SIPA1L3: variants seen among roughly 807,000 people sequenced by gnomAD.
SIPA1L3 encodes signal induced proliferation associated 1 like 3.
Under a neutral mutation model 150.1 loss-of-function variants are expected in SIPA1L3, and 59 were observed. The ratio of observed to expected loss-of-function variants is 0.39; its 90% CI spans 0.32 to 0.49. The LOEUF (loss-of-function observed/expected upper bound fraction) is 0.49, where lower values mean the gene tolerates loss of function less well. Ranked by LOEUF, SIPA1L3 falls within the 20% of genes least tolerant of loss-of-function variation. The probability of loss-of-function intolerance (pLI) is 0.86; values close to 1 mark genes in which losing one functional copy is unlikely to be tolerated. For missense variants in SIPA1L3, 2,211 were observed against 2,489.5 expected, an observed-to-expected ratio of 0.89 and a Z score of 2.38; for synonymous variants, 1,070 against 1,077.6, an observed-to-expected ratio of 0.99 and a Z score of 0.14.
chr19:38,104,055 AGTGGGTTTTC>A (rs1970567602), intron 6 of SIPA1L3, among the ~76,000 whole-genome samples: 1 of 151,980 alleles, frequency 6.6e-6, no homozygotes, highest in African/African-American at 2.4e-5. Context: ...TGTCCTTGGG[AGTGGGTTTTC>A]GTCAGCTGGG....
At chr19:38,043,245 C>T (rs1173968045) in intron 2 of SIPA1L3, among the ~76,000 whole-genome samples, 2 of 152,284 alleles carry the variant, frequency 1.3e-5, no homozygotes, top group Non-Finnish European at 2.9e-5. Flanking sequence ...GAGGCTGAGG[C>T]AGGAGAATCG....
intron 1 of SIPA1L3, among the ~76,000 whole-genome samples, chr19:37,937,785 A>T (rs1171332827): frequency 7.6e-6 from 1 of 132,140 alleles, no homozygotes; most frequent in Non-Finnish European, 1.6e-5. Context: ...GGTGGCTCAC[A>T]CCTGTAATCC....
intron 12 of SIPA1L3, among the ~76,000 whole-genome samples, chr19:38,145,534 C>CAAA (rs35073920): frequency 4.2e-5 from 4 of 94,300 alleles, no homozygotes; most frequent in African/African-American, 4.3e-5. Flanking sequence ...AACTCCGTCT[C>CAAA]AAAAAAAAAA....
chr19:38,120,270 C>T (rs1970986244), intron 9 of SIPA1L3, among the ~76,000 whole-genome samples: 1 of 150,942 alleles, frequency 6.6e-6, no homozygotes, highest in Non-Finnish European at 1.5e-5. Flanking sequence ...CCAGACCAAC[C>T]TGGGTAACCA....
At chr19:38,192,393 C>T in intron 17 of SIPA1L3, 83 bp downstream of exon 17, 2 of 1,314,662 alleles carry the variant, frequency 1.5e-6, no homozygotes, top group South Asian at 1.5e-5. Context: ...AAGGGCTGTG[C>T]TCCCCACGGT....
chr19:38,020,799 GT>G (rs992211662), intron 1 of SIPA1L3, among the ~76,000 whole-genome samples: 2 of 150,568 alleles, frequency 1.3e-5, no homozygotes, highest in Admixed American at 6.6e-5. Context: ...TCATCTCTGA[GT>G]TTTTTTTGTT....
At chr19:38,049,898 G>A (rs1049111272) in intron 2 of SIPA1L3, among the ~76,000 whole-genome samples, 1 of 152,032 alleles carries the variant, frequency 6.6e-6, no homozygotes, top group East Asian at 1.9e-4. Context: ...TGCTCTGATG[G>A]TGAGTCTGGC....
At chr19:38,135,379 C>T (rs4803800) in intron 10 of SIPA1L3, among the ~76,000 whole-genome samples, 39,620 of 152,002 alleles carry the variant, frequency 0.26, 7,340 homozygotes, top group African/African-American at 0.53. Flanking sequence ...CTACCCTGCC[C>T]GGAGCCACAG....
intron 10 of SIPA1L3, among the ~76,000 whole-genome samples, 166 bp from the exon 11 acceptor site, chr19:38,141,018 G>C (rs2082443): frequency 7.1e-6 from 1 of 141,702 alleles, no homozygotes; most frequent in East Asian, 2.1e-4. Flanking sequence ...ACATCATGCC[G>C]CTGTACTCCA....
chr19:38,206,527 G>C lies in SIPA1L3; in HGVS notation c.*287G>C, dbSNP rs1280222954. 3.1e-6 allele frequency: 1 copy of C among 322,824 alleles called. No individual in the cohort carries two copies. The highest frequency in any genetic ancestry group is 6.5e-5 in the South Asian group (1 of 15,330). The allele number at this position is 322,824 out of a possible 1,614,324, so 20.0% of individuals were successfully genotyped here. A position where few individuals can be genotyped will look rare whatever the true frequency, so the allele number is the denominator to read the frequency against. ...ACACCGCTCCCGGGCCTGCCCCGCTGTCCCCATCTAGCCTCTTCCTGGGAC... is the reference window on the plus strand; with the variant it reads ...ACACCGCTCCCGGGCCTGCCCCGCTCTCCCCATCTAGCCTCTTCCTGGGAC... On this transcript the variant is annotated 3_prime_UTR_variant, in exon 22 of 22. Coordinates refer to ENST00000222345, the MANE Select transcript of SIPA1L3 (RefSeq NM_015073.3).
rs368763008 is a variant in SIPA1L3 at position 37,910,760 on chromosome 19, A to C, written c.-379+3402A>C. On this transcript the variant is annotated intron_variant, in intron 1 of 21. Coordinates refer to ENST00000222345, the MANE Select transcript of SIPA1L3 (RefSeq NM_015073.3). ...TCTGGGATTACAGGCATATGCCACCATGCCTGGCTAATTTTTGTATTTTTA... is the reference window on the plus strand; with the variant it reads ...TCTGGGATTACAGGCATATGCCACCCTGCCTGGCTAATTTTTGTATTTTTA... 8.0e-4 allele frequency among the ~76,000 whole-genome samples: 122 copies of C among 152,224 alleles called. 2 individuals carry two copies. In the East Asian group the frequency reaches 0.017, roughly 21 times the overall value.
chr19:38,082,313 C>G lies in SIPA1L3; in HGVS notation c.748C>G (p.Leu250Val). 8 of 1,599,260 alleles carry G rather than the reference C, an allele frequency of 5.0e-6. No individual in the cohort carries two copies. The highest frequency in any genetic ancestry group is 6.8e-6 in the Non-Finnish European group (8 of 1,179,152). ...CCTCCGGGCAGATCCTGGCCCACACCTCATGGGGGGCGGCGGCGGAGCCAA... is the reference window on the plus strand; with the variant it reads ...CCTCCGGGCAGATCCTGGCCCACACGTCATGGGGGGCGGCGGCGGAGCCAA... ...ELLRADPGPH[L>V]MGGGGGAKGD... The change falls in exon 3 of 22, where the codon CTC (leucine) becomes GTC (valine). Residue 250 changes from leucine to valine, a missense_variant. Leu to Val is a conservative substitution (Grantham distance 32). Transcript: ENST00000222345.
At chr19:38,163,105 T>C (rs970132720) in intron 14 of SIPA1L3, among the ~76,000 whole-genome samples, 3 of 152,100 alleles carry the variant, frequency 2.0e-5, no homozygotes, top group Non-Finnish European at 4.4e-5. Flanking sequence ...GGGACCATGA[T>C]GATGAAGAGG....
rs1458389930 is a variant in SIPA1L3 at position 38,164,663 on chromosome 19, G to A, written c.3965G>A (p.Cys1322Tyr). 1 of 1,614,154 alleles carries A rather than the reference G, an allele frequency of 6.2e-7. No individual in the cohort carries two copies. Among genetic ancestry groups the A allele is most frequent in the Admixed American group, 1.7e-5 (1 of 60,012 alleles). ...ACCCTCTACACCTCCAGCCCTAGCT[G>A]CATGTCCCTGGCCAAGGCTCCACGG... Reference protein sequence around the residue: ...DTTLYTSSPSCMSLAKAPRPA... With the variant: ...DTTLYTSSPSYMSLAKAPRPA... The change falls in exon 15 of 22, where the codon TGC becomes TAC. Residue 1322 changes from cysteine (C) to tyrosine (Y), a missense_variant. Around this residue, in one of 5 missense-constraint regions of SIPA1L3, gnomAD observed 806 missense variants for 870.1 expected, o/e 0.93. Coordinates refer to ENST00000222345, the MANE Select transcript of SIPA1L3 (RefSeq NM_015073.3). The surrounding 1 kb of genome is among the most constrained non-coding windows in gnomAD (Gnocchi z 4.1).
chr19:37,961,183 T>A (rs1052962829), intron 1 of SIPA1L3, among the ~76,000 whole-genome samples: 4 of 145,724 alleles, frequency 2.7e-5, no homozygotes, highest in Non-Finnish European at 4.5e-5. Flanking sequence ...TTTTTTTTTT[T>A]AATTTAAAAT....
In SIPA1L3 at chr19:38,046,933, A is replaced by C. The variant is rs1239977128; in HGVS notation, c.-311+17777A>C. On this transcript the variant is annotated intron_variant, in intron 2 of 21. Coordinates refer to ENST00000222345, the MANE Select transcript of SIPA1L3 (RefSeq NM_015073.3). This position sits in a 1 kb window ranked among gnomAD's most constrained non-coding sequence, Gnocchi z 5.6. Reference sequence around the variant, plus strand: ...CTTGTAGCTGTGGCTGCCTAACAGCACCACCTGGGTGGTTGAGTGGCTCTT... The same window carrying C: ...CTTGTAGCTGTGGCTGCCTAACAGCCCCACCTGGGTGGTTGAGTGGCTCTT... Among the ~76,000 whole-genome samples the C allele has an allele frequency of 3.3e-5, 5 of 152,148 alleles. No individual in the cohort carries two copies. Among genetic ancestry groups the C allele is most frequent in the Admixed American group, 6.5e-5 (1 of 15,272 alleles).
At position 38,130,617 on chromosome 19, in the gene SIPA1L3, C is replaced by G. The variant is rs529504567; in HGVS notation, c.2988C>G (p.Ala996=). The G allele has an allele frequency of 6.2e-7, 1 of 1,613,800 alleles. No homozygotes were observed. Among genetic ancestry groups the G allele is most frequent in the East Asian group, 2.2e-5 (1 of 44,878 alleles). ...CCGAGGTTGAGGACTATGGGTTCGC[C>G]TGGCAGGCCGGCCTCCGGCAGGGCA... The part of the protein sequence containing the change: ...TVAEVEDYGF[A]WQAGLRQGSR... The change falls in exon 10 of 22, where the codon GCC becomes GCG. Residue 996 remains alanine, a synonymous_variant. Transcript: ENST00000222345.
chr19:37,928,532 G>A (rs2046526210), intron 1 of SIPA1L3, among the ~76,000 whole-genome samples: 1 of 152,132 alleles, frequency 6.6e-6, no homozygotes, highest in Non-Finnish European at 1.5e-5. Flanking sequence ...CCAAGATCAT[G>A]CCACTGCACT....
chr19:38,142,742 G>A, intron 12 of SIPA1L3, 32 bp downstream of exon 12: 1 of 1,596,636 alleles, frequency 6.3e-7, no homozygotes, highest in East Asian at 2.2e-5. Context: ...TCATGTTAAG[G>A]GATCTGATGA....
Sources: allele counts gnomAD v4.1 joint callset (sites outside exome capture counted in the v4.1 genomes callset), GRCh38; gene constraint gnomAD v4.1.1; regional missense constraint gnomAD v4.1.1; non-coding constraint Gnocchi (gnomAD v3.1); transcripts MANE v1.5; gene names NCBI Gene and HGNC (gene_info 2026-07-23, HGNC 2026-07-21).